SYTL5: variants seen among roughly 807,000 people sequenced by gnomAD.
SYTL5 encodes the protein synaptotagmin-like protein 5.
Under a neutral mutation model 55.9 loss-of-function variants are expected in SYTL5, and 34 were observed. The ratio of observed to expected loss-of-function variants is 0.61; its 90% CI spans 0.46 to 0.81. The LOEUF is 0.81. Ranked by LOEUF, SYTL5 falls within the 30% of genes least tolerant of loss-of-function variation. SYTL5 has a pLI of 0.00. For synonymous variants in SYTL5, 221 were observed against 188.7 expected (o/e 1.17, Z -1.40); for missense variants, 637 against 546.7 (o/e 1.17, Z -1.65).
At chrX:37,984,425 G>A in the SYTL5 span, among the ~76,000 whole-genome samples, 1 of 111,554 alleles carries the variant, frequency 9.0e-6, no homozygotes, top group Non-Finnish European at 1.9e-5. Context: ...TACTGAAACT[G>A]ACTCAAGAAG....
chrX:37,895,409 T>TCTTCCTTCCTTCTTTCC, the SYTL5 span, among the ~76,000 whole-genome samples: 6 of 83,452 alleles, frequency 7.2e-5, no homozygotes, highest in African/African-American at 3.3e-4. Flanking sequence ...TAGTTTTTCT[T>TCTTCCTTCCTTCTTTCC]TTCCTTCCTT....
the SYTL5 span, among the ~76,000 whole-genome samples, chrX:37,894,270 C>A: frequency 2.7e-5 from 3 of 111,547 alleles, no homozygotes; most frequent in Non-Finnish European, 5.7e-5. Context: ...TTGTTTAAAG[C>A]TTTTGGCAGA....
chrX:37,985,746 G>C, the SYTL5 span, among the ~76,000 whole-genome samples: 1 of 110,906 alleles, frequency 9.0e-6, no homozygotes, highest in Non-Finnish European at 1.9e-5. Context: ...AAACAAAATT[G>C]AATAACTTAC....
chrX:37,999,159 C>A, the SYTL5 span, among the ~76,000 whole-genome samples: 1 of 112,089 alleles, frequency 8.9e-6, no homozygotes, highest in African/African-American at 3.2e-5. Flanking sequence ...TATAAAGGAT[C>A]CTGAATGGTG....
At chrX:38,101,795 T>C (rs1477646167) in intron 9 of SYTL5, among the ~76,000 whole-genome samples, 1 of 98,885 alleles carries the variant, frequency 1.0e-5, no homozygotes, top group African/African-American at 3.8e-5. Context: ...ATAATTTTAC[T>C]AGGAAAATAC....
the SYTL5 span, among the ~76,000 whole-genome samples, chrX:37,984,165 T>C: frequency 1.8e-5 from 2 of 111,213 alleles, no homozygotes; most frequent in Non-Finnish European, 1.9e-5. Flanking sequence ...AATAAAATAG[T>C]GAATTCAAAA....
chrX:38,094,550 T>C lies in SYTL5; in HGVS notation c.961+126T>C, dbSNP rs182236634. On this transcript the variant is annotated intron_variant, in intron 8 of 16. Coordinates refer to ENST00000297875, the MANE Select transcript of SYTL5 (RefSeq NM_138780.3). ...AATAAGCATTCCCTTCTTTGACCTA[T>C]GGTGGTAGGCCACTCCATAAGAACT... is the stretch of plus-strand genomic sequence containing the variant. The C allele has an allele frequency of 2.8e-3, 2,104 of 752,966 alleles. 6 individuals carry two copies. The highest frequency in any genetic ancestry group is 3.9e-3 in the South Asian group (104 of 26,745). The allele number at this position is 752,966 out of a possible 1,213,427, so 62.1% of individuals were successfully genotyped here.
chrX:38,053,246 A>G (rs781283985), intron 2 of SYTL5, among the ~76,000 whole-genome samples: 1 of 112,593 alleles, frequency 8.9e-6, no homozygotes, highest in Non-Finnish European at 1.9e-5. Context: ...CACACTTGGA[A>G]CAGCAATTTT....
At chrX:37,903,621 A>G in the SYTL5 span, among the ~76,000 whole-genome samples, 2 of 108,980 alleles carry the variant, frequency 1.8e-5, no homozygotes, top group Non-Finnish European at 3.8e-5. Context: ...TAATGGGTGC[A>G]GCACACCAAC....
the SYTL5 span, among the ~76,000 whole-genome samples, chrX:37,990,299 G>C: frequency 1.8e-5 from 2 of 111,987 alleles, no homozygotes; most frequent in African/African-American, 6.5e-5. Flanking sequence ...CTTCAAAAGG[G>C]AAACCAAAGA....
At chrX:38,008,067 A>G (rs1934051497) in intron 1 of SYTL5, among the ~76,000 whole-genome samples, 1 of 111,202 alleles carries the variant, frequency 9.0e-6, no homozygotes, top group Non-Finnish European at 1.9e-5. Context: ...CCTTATTATT[A>G]TTTAGTATGT....
At chrX:37,975,290 C>T in the SYTL5 span, among the ~76,000 whole-genome samples, 26 of 111,831 alleles carry the variant, frequency 2.3e-4, no homozygotes, top group African/African-American at 5.2e-4. Context: ...TAGCTTTCCA[C>T]GACTTCCAGT....
At chrX:38,092,757 A>C (rs1413327023) in intron 7 of SYTL5, among the ~76,000 whole-genome samples, 1 of 110,883 alleles carries the variant, frequency 9.0e-6, no homozygotes, top group East Asian at 2.8e-4. Context: ...GCATCCCTCA[A>C]CCCAATCAAG....
At chrX:37,891,430 C>T in the SYTL5 span, among the ~76,000 whole-genome samples, 1 of 111,575 alleles carries the variant, frequency 9.0e-6, no homozygotes, top group Non-Finnish European at 1.9e-5. Context: ...ATAGGCAACT[C>T]GGTAGAGGTA....
chrX:38,109,771 A>G (rs1937311351), intron 12 of SYTL5, among the ~76,000 whole-genome samples: 1 of 109,868 alleles, frequency 9.1e-6, no homozygotes, highest in Non-Finnish European at 1.9e-5. Context: ...ATGTTGTTAC[A>G]AAAAACAAAA....
the SYTL5 span, among the ~76,000 whole-genome samples, chrX:37,997,797 G>T: frequency 8.9e-6 from 1 of 112,590 alleles, no homozygotes; most frequent in Non-Finnish European, 1.9e-5. Flanking sequence ...CTGGGGGCTG[G>T]ACTGCAGTCC....
chrX:37,920,437 G>C, the SYTL5 span, among the ~76,000 whole-genome samples: 1 of 110,073 alleles, frequency 9.1e-6, no homozygotes, highest in Non-Finnish European at 1.9e-5. Flanking sequence ...TCTCCCTGTA[G>C]AATCGTCTCC....
intron 1 of SYTL5, among the ~76,000 whole-genome samples, chrX:38,008,043 T>A: frequency 9.0e-6 from 1 of 111,572 alleles, no homozygotes; most frequent in Non-Finnish European, 1.9e-5. Context: ...TTAGTATTTT[T>A]GTTGAAATTA....
chrX:38,078,631 T>A (rs1359874367), intron 6 of SYTL5, among the ~76,000 whole-genome samples: 2 of 112,385 alleles, frequency 1.8e-5, no homozygotes, highest in Non-Finnish European at 3.8e-5. Flanking sequence ...TTAAGTTATA[T>A]GTCTTACAGT....
Sources: allele counts gnomAD v4.1 joint callset (sites outside exome capture counted in the v4.1 genomes callset), GRCh38; gene constraint gnomAD v4.1.1; transcripts MANE v1.5; gene names NCBI Gene and HGNC (gene_info 2026-07-23, HGNC 2026-07-21).